Variants in MYO3B observed in about 807,000 individuals in gnomAD.
MYO3B encodes myosin-IIIb.
In MYO3B, 156 loss-of-function variants were observed where a neutral mutation model predicts 174.6. That is an observed-to-expected ratio of 0.89 (90% CI 0.78 to 1.02). The LOEUF (loss-of-function observed/expected upper bound fraction) is 1.02, where lower values mean the gene tolerates loss of function less well. MYO3B is among the 50% of genes least tolerant of loss of function. The pLI, the probability that MYO3B is intolerant of heterozygous loss-of-function variation, is 0.00. For synonymous variants in MYO3B, 563 were observed against 569.1 expected (o/e 0.99, Z 0.15); for missense variants, 1,632 against 1,639.4 (o/e 1.00, Z 0.08).
At chr2:170,509,111 C>A (rs567134764) in intron 28 of MYO3B, among the ~76,000 whole-genome samples, 26 of 152,330 alleles carry the variant, frequency 1.7e-4, no homozygotes, top group Admixed American at 3.9e-4. Context: ...AATCCCCGCA[C>A]TTTGGGAGGC....
chr2:170,551,915 T>C (rs370929610), intron 32 of MYO3B, among the ~76,000 whole-genome samples: 1 of 151,808 alleles, frequency 6.6e-6, no homozygotes, highest in Non-Finnish European at 1.5e-5. Context: ...GTGTAGCACT[T>C]CCCCCTTCTC....
In MYO3B at chr2:170,519,701, G is replaced by T. The variant is rs1688543756; in HGVS notation, c.3575+161G>T. ...AAAAGCGTTTCCAGGGCTGGGCGTG[G>T]TGGCTCATGCCTGTAATCCCAGCAC... On this transcript the variant is annotated intron_variant, in intron 30 of 34. Coordinates refer to ENST00000408978, the MANE Select transcript of MYO3B (RefSeq NM_138995.5). 2.7e-5 allele frequency: 16 copies of T among 603,156 alleles called. No individual in the cohort carries two copies. In the East Asian group the frequency reaches 4.8e-4, roughly 18 times the overall value. 37.4% of individuals were successfully genotyped at this position (603,156 alleles called of 1,614,324 possible). A position where few individuals can be genotyped will look rare whatever the true frequency, so the allele number is the denominator to read the frequency against.
At chr2:170,489,322 AG>A (rs1686278778) in intron 25 of MYO3B, among the ~76,000 whole-genome samples, 1 of 152,276 alleles carries the variant, frequency 6.6e-6, no homozygotes, top group East Asian at 1.9e-4. Flanking sequence ...CCAGGCATAG[AG>A]TTTTGACGCA....
intron 32 of MYO3B, among the ~76,000 whole-genome samples, chr2:170,602,809 G>A (rs530625517): frequency 6.6e-6 from 1 of 152,336 alleles, no homozygotes; most frequent in Non-Finnish European, 1.5e-5. Flanking sequence ...ACTCACACCT[G>A]TAGTCCCAGC....
intron 7 of MYO3B, among the ~76,000 whole-genome samples, chr2:170,322,673 C>T (rs1195454086): frequency 6.6e-6 from 1 of 151,658 alleles, no homozygotes; most frequent in South Asian, 2.1e-4. Context: ...TGTTGATAAC[C>T]AGTCTTCCTC....
chr2:170,520,669 A>G (rs1273063978), intron 30 of MYO3B, among the ~76,000 whole-genome samples: 2 of 152,106 alleles, frequency 1.3e-5, no homozygotes, highest in East Asian at 3.8e-4. Context: ...ATTCAAAAGG[A>G]GTATAGCAGA....
intron 32 of MYO3B, among the ~76,000 whole-genome samples, chr2:170,627,687 A>G (rs943269291): frequency 6.6e-6 from 1 of 151,988 alleles, no homozygotes; most frequent in African/African-American, 2.4e-5. Context: ...TGGTTTATCT[A>G]CCTTTGGTCT....
At chr2:170,441,550 C>T (rs1211725544) in intron 22 of MYO3B, among the ~76,000 whole-genome samples, 7 of 152,204 alleles carry the variant, frequency 4.6e-5, no homozygotes, top group African/African-American at 1.7e-4. Context: ...ATAGGCAGAG[C>T]AGCCCCAAGG....
At chr2:170,518,421 C>T (rs1688458326) in intron 29 of MYO3B, among the ~76,000 whole-genome samples, 1 of 152,152 alleles carries the variant, frequency 6.6e-6, no homozygotes, top group South Asian at 2.1e-4. Flanking sequence ...AGTCTCCTTC[C>T]AACCCTAACT....
chr2:170,483,410 G>A (rs1461437752), intron 25 of MYO3B, among the ~76,000 whole-genome samples: 3 of 76,174 alleles, frequency 3.9e-5, no homozygotes, highest in Non-Finnish European at 6.8e-5. Flanking sequence ...TTTTTGAGAC[G>A]GAGTCTAGCT....
chr2:170,647,995 A>G (rs773170340), intron 32 of MYO3B: 10 of 152,174 alleles, frequency 6.6e-5, no homozygotes, highest in Non-Finnish European at 1.3e-4. Flanking sequence ...AGTCTGAGGG[A>G]GAGTGGATGT....
chr2:170,623,816 T>G (rs1397311723), intron 32 of MYO3B, among the ~76,000 whole-genome samples: 2 of 152,218 alleles, frequency 1.3e-5, no homozygotes, highest in Non-Finnish European at 1.5e-5. Flanking sequence ...CCCAGCACCA[T>G]TTGTTAAATA....
intron 32 of MYO3B, chr2:170,646,957 G>A (rs768767615): frequency 2.3e-6 from 3 of 1,325,242 alleles, no homozygotes; most frequent in South Asian, 2.3e-5. Context: ...TCTTTCAATT[G>A]TTTTTATCTT....
chr2:170,192,932 A>C (rs1272283839), intron 1 of MYO3B, among the ~76,000 whole-genome samples: 1 of 151,710 alleles, frequency 6.6e-6, no homozygotes, highest in Non-Finnish European at 1.5e-5. Context: ...TTGAGGCTTT[A>C]CTTTGTGGCT....
At chr2:170,201,445 C>T (rs1165845418) in intron 3 of MYO3B, among the ~76,000 whole-genome samples, 1 of 152,180 alleles carries the variant, frequency 6.6e-6, no homozygotes, top group African/African-American at 2.4e-5. Flanking sequence ...TCTGGTACCT[C>T]TTGTCCACAT....
intron 18 of MYO3B, among the ~76,000 whole-genome samples, 175 bp downstream of exon 18, chr2:170,401,866 G>A (rs576530200): frequency 1.1e-4 from 17 of 149,280 alleles, no homozygotes; most frequent in Admixed American, 1.3e-4. Context: ...GCAGTGGCAC[G>A]ATCTCCGCTC....
At chr2:170,215,311 G>A (rs2092815836) in intron 5 of MYO3B, among the ~76,000 whole-genome samples, 1 of 152,190 alleles carries the variant, frequency 6.6e-6, no homozygotes, top group South Asian at 2.1e-4. Context: ...CTACATGTGA[G>A]GCTGGTTGAA....
At chr2:170,279,153 G>A (rs890900874) in intron 7 of MYO3B, among the ~76,000 whole-genome samples, 8 of 152,076 alleles carry the variant, frequency 5.3e-5, no homozygotes, top group Non-Finnish European at 8.8e-5. Context: ...ACTCAGCAGT[G>A]GGATTGCTGG....
intron 32 of MYO3B, among the ~76,000 whole-genome samples, chr2:170,556,221 G>T (rs1274530510): frequency 6.6e-6 from 1 of 151,764 alleles, no homozygotes; most frequent in African/African-American, 2.4e-5. Context: ...ATTCCTTCAT[G>T]TCTTGTCATG....
Sources: gnomAD v4.1 joint callset for allele counts (sites outside exome capture counted in the v4.1 genomes callset) on GRCh38, gnomAD v4.1.1 for gene constraint, MANE v1.5 for transcripts, NCBI Gene and HGNC (gene_info 2026-07-23, HGNC 2026-07-21) for gene names.